The following TNS3 variants were observed in gnomAD, a reference collection of about 807,000 sequenced individuals.
The protein encoded by TNS3 is tensin 3.
TNS3 carries 45 observed loss-of-function variants against 140.9 expected under a neutral mutation model. The observed-to-expected ratio is 0.32, with a 90% CI of 0.25 to 0.41. The LOEUF is 0.41. Among genes scored for constraint, TNS3 ranks in the 10% least tolerant of loss-of-function variants. The probability of loss-of-function intolerance (pLI) is 1.00; values close to 1 mark genes in which losing one functional copy is unlikely to be tolerated. For missense variants in TNS3, 1,716 were observed against 1,906.7 expected (o/e 0.90, Z 1.86); for synonymous variants, 815 against 788.4 (o/e 1.03, Z -0.56).
chr7:47,576,391 A>C (rs550999604), intron 1 of TNS3, among the ~76,000 whole-genome samples: 41 of 152,280 alleles, frequency 2.7e-4, no homozygotes, highest in Admixed American at 7.2e-4. Flanking sequence ...ACAAATGACA[A>C]ACACAGTCAC....
Position 47,545,177 on chromosome 7 carries a change from C to T in TNS3, c.-264-16030G>A, listed in dbSNP as rs189469539. ...TTTTTTTTTGAGACGGAGTCTCGCT[C>T]TGTCGCCTGGAGTGCAGTGTGGCAC... On this transcript the variant is annotated intron_variant, in intron 1 of 30. Coordinates refer to ENST00000311160, the MANE Select transcript of TNS3 (RefSeq NM_022748.12). Among the ~76,000 whole-genome samples, 767 of 141,068 alleles carry T rather than the reference C, an allele frequency of 5.4e-3. 7 individuals carry two copies. The highest frequency in any genetic ancestry group is 0.019 in the African/African-American group (715 of 37,272). The allele number at this position is 141,068 out of a possible 152,430, so 92.5% of individuals were successfully genotyped here.
chr7:47,403,983 T>C (rs1455037148), intron 13 of TNS3, among the ~76,000 whole-genome samples: 1 of 152,250 alleles, frequency 6.6e-6, no homozygotes, highest in Non-Finnish European at 1.5e-5. Flanking sequence ...TTCAAGTCTA[T>C]AATTTTCCCT....
intron 9 of TNS3, among the ~76,000 whole-genome samples, chr7:47,426,527 T>C (rs1794659044): frequency 6.6e-6 from 1 of 152,184 alleles, no homozygotes; most frequent in African/African-American, 2.4e-5. Context: ...TGATAGCCAA[T>C]ACCTGAGTAC....
At chr7:47,488,553 C>A (rs1054351538) in intron 3 of TNS3, among the ~76,000 whole-genome samples, 2 of 152,210 alleles carry the variant, frequency 1.3e-5, no homozygotes, top group African/African-American at 4.8e-5. Context: ...TTTCTAAGGA[C>A]ACCAGTCATA....
At chr7:47,521,585 G>T (rs553259520) in intron 2 of TNS3, among the ~76,000 whole-genome samples, 1 of 152,328 alleles carries the variant, frequency 6.6e-6, no homozygotes, top group South Asian at 2.1e-4. Context: ...TAGTTCTGGA[G>T]GGAAAAGGGC....
At chr7:47,396,293 A>G (rs1253057895) in intron 16 of TNS3, among the ~76,000 whole-genome samples, 6 of 152,182 alleles carry the variant, frequency 3.9e-5, no homozygotes, top group Admixed American at 2.0e-4. Context: ...ACAGGTGAAC[A>G]GAGGACATGT....
At chr7:47,478,102 ATTT>A (rs1797262152) in intron 4 of TNS3, among the ~76,000 whole-genome samples, 1 of 152,160 alleles carries the variant, frequency 6.6e-6, no homozygotes, top group Non-Finnish European at 1.5e-5. Flanking sequence ...AAAGGCAGGC[ATTT>A]GCCAAGGCCA....
chr7:47,481,300 A>G, intron 3 of TNS3, 159 bp from the exon 4 acceptor site: 1 of 485,896 alleles, frequency 2.1e-6, no homozygotes. Context: ...TAGAGTTAAG[A>G]GAGTCCAGGG....
At position 47,554,417 on chromosome 7, in the gene TNS3, C is replaced by CA. The variant is rs757352132; in HGVS notation, c.-264-25271dup. Among the ~76,000 whole-genome samples the CA allele has an allele frequency of 6.2e-3, 398 of 63,942 alleles. 3 individuals are homozygous for CA. Among genetic ancestry groups the CA allele is most frequent in the African/African-American group, 0.017 (353 of 21,280 alleles). 41.9% of individuals were successfully genotyped at this position (63,942 alleles called of 152,430 possible). A position where few individuals can be genotyped will look rare whatever the true frequency, so the allele number is the denominator to read the frequency against. ...TGGGTGACAGAGGAAGACTCCATCT[C>CA]AAAAAAAAAAACAAAAAAAAAAACA... On this transcript the variant is annotated intron_variant, in intron 1 of 30. Transcript: ENST00000311160.
In TNS3 at chr7:47,515,774, A is replaced by AT. The variant is rs1483629224; in HGVS notation, c.-152-8831dup. Among the ~76,000 whole-genome samples the AT allele has an allele frequency of 2.6e-5, 4 of 152,306 alleles. No individual in the cohort carries two copies. In the East Asian group the frequency reaches 5.8e-4, roughly 22 times the overall value. ...ATTACAACATCATTATCGGCATACCATTGCCACCCTCATCACCATCACTAA... is the reference window on the plus strand; with the variant it reads ...ATTACAACATCATTATCGGCATACCATTTGCCACCCTCATCACCATCACTAA... On this transcript the variant is annotated intron_variant, in intron 2 of 30. Transcript: ENST00000311160.
At position 47,546,488 on chromosome 7, in the gene TNS3, C is replaced by T. The variant is rs146614724; in HGVS notation, c.-264-17341G>A. On this transcript the variant is annotated intron_variant, in intron 1 of 30. Transcript: ENST00000311160. ...AAACCCCTCCCCAGGTGGCCCAGGA[C>T]GGTGAGGTGCTGAGGCTGGGAGCCT... is the stretch of plus-strand genomic sequence containing the variant. Among the ~76,000 whole-genome samples, 80 of 152,268 alleles carry T rather than the reference C, an allele frequency of 5.3e-4. No individual in the cohort carries two copies. In the East Asian group the frequency reaches 9.5e-3, roughly 18 times the overall value.
chr7:47,399,080 G>GAAAA (rs55834937), intron 15 of TNS3, among the ~76,000 whole-genome samples: 3 of 93,596 alleles, frequency 3.2e-5, no homozygotes, highest in Non-Finnish European at 5.9e-5. Context: ...TACGACAGCT[G>GAAAA]AAAAAAAAAA....
At chr7:47,473,096 T>G (rs1457873169) in intron 4 of TNS3, among the ~76,000 whole-genome samples, 1 of 152,224 alleles carries the variant, frequency 6.6e-6, no homozygotes, top group South Asian at 2.1e-4. Flanking sequence ...TCCTCCACCG[T>G]GCCCTGCCAA....
chr7:47,377,884 C>T (rs546660318), intron 16 of TNS3, among the ~76,000 whole-genome samples: 18 of 151,646 alleles, frequency 1.2e-4, no homozygotes, highest in African/African-American at 4.1e-4. Context: ...CGATCATAGT[C>T]CCTTTGCGCC....
In TNS3 at chr7:47,396,896, G is replaced by A. The variant is rs775770065; in HGVS notation, c.928C>T (p.His310Tyr). 6.2e-7 allele frequency: 1 copy of A among 1,613,756 alleles called. No homozygotes were observed. ...ATCACACCGTGGTCGTTGTACAAGT[G>A]TTCGGACCCTGCACAGAGCACAGGC... ...ATPEKIQGSE[H>Y]LYNDHGVIVD... Residue 310 changes from histidine to tyrosine, a missense_variant, in exon 16 of 31, where the codon CAC (histidine) becomes TAC (tyrosine). This residue lies in a region of TNS3 where 337 missense variants were observed against 428.9 expected (regional missense o/e 0.79). Transcript: ENST00000311160.
chr7:47,574,274 C>T (rs1380407505), intron 1 of TNS3, among the ~76,000 whole-genome samples: 2 of 152,020 alleles, frequency 1.3e-5, no homozygotes, highest in East Asian at 1.9e-4. Context: ...ATTCTTCCTG[C>T]TTTCTCATCC....
At chr7:47,302,464 GAAC>G (rs1186495879) in intron 22 of TNS3, among the ~76,000 whole-genome samples, 192 bp from the exon 23 acceptor site, 5 of 152,222 alleles carry the variant, frequency 3.3e-5, no homozygotes, top group African/African-American at 9.6e-5. Flanking sequence ...ACACAAAACA[GAAC>G]AACAGGATGC....
chr7:47,338,186 C>T (rs1788740947), intron 20 of TNS3, among the ~76,000 whole-genome samples: 1 of 152,182 alleles, frequency 6.6e-6, no homozygotes, highest in African/African-American at 2.4e-5. Flanking sequence ...GAACATAAGT[C>T]TATTTCTTTG....
intron 28 of TNS3, among the ~76,000 whole-genome samples, chr7:47,282,288 C>A (rs1451355205): frequency 4.0e-5 from 6 of 150,084 alleles, no homozygotes; most frequent in Non-Finnish European, 3.0e-5. Flanking sequence ...CTGAGCCATG[C>A]CCCTGACCCT....
Sources: gnomAD v4.1 joint callset for allele counts (sites outside exome capture counted in the v4.1 genomes callset) on GRCh38, gnomAD v4.1.1 for gene constraint, gnomAD v4.1.1 regional missense constraint, MANE v1.5 for transcripts, NCBI Gene and HGNC (gene_info 2026-07-23, HGNC 2026-07-21) for gene names.